Variants in SERINC2 observed in about 807,000 individuals in gnomAD.
SERINC2 encodes tumor differentially expressed protein 2.
In SERINC2, 56 loss-of-function variants were observed where a neutral mutation model predicts 54.2. The observed-to-expected ratio is 1.03, with a 90% CI of 0.83 to 1.29. The LOEUF (loss-of-function observed/expected upper bound fraction) is 1.29, where lower values mean the gene tolerates loss of function less well. Among genes scored for constraint, SERINC2 ranks in the 50% most tolerant of loss-of-function variants. The pLI is 0.00. For missense variants in SERINC2, 614 were observed against 607.4 expected (o/e 1.01, Z -0.12); for synonymous variants, 272 against 253.1 (o/e 1.07, Z -0.71).
intron 8 of SERINC2, among the ~76,000 whole-genome samples, chr1:31,432,232 G>GTGGATAGGGTGGTT (rs1557501873): frequency 2.6e-5 from 4 of 151,474 alleles, no homozygotes; most frequent in Non-Finnish European, 2.9e-5. Flanking sequence ...GGTGGATAGG[G>GTGGATAGGGTGGTT]ACCCACTGAC....
intron 1 of SERINC2, chr1:31,414,412 C>G: frequency 1.2e-6 from 1 of 843,920 alleles, no homozygotes. Flanking sequence ...TTCCTTTGTC[C>G]CTGACGGGTT....
At chr1:31,432,638 T>G (rs1194954475) in intron 8 of SERINC2, among the ~76,000 whole-genome samples, 4 of 152,184 alleles carry the variant, frequency 2.6e-5, no homozygotes, top group African/African-American at 9.7e-5. Context: ...TAGTGACTGT[T>G]GATTGAATTT....
At chr1:31,427,159 ATTG>A (rs1339578530) in intron 6 of SERINC2, among the ~76,000 whole-genome samples, 25 of 151,922 alleles carry the variant, frequency 1.6e-4, no homozygotes, top group Admixed American at 1.1e-3. Context: ...TGTAGTTATT[ATTG>A]TTGTCATTTT....
chr1:31,423,496 G>T (rs1640950029), intron 1 of SERINC2, among the ~76,000 whole-genome samples, 197 bp from the exon 2 acceptor site: 1 of 152,184 alleles, frequency 6.6e-6, no homozygotes, highest in African/African-American at 2.4e-5. Context: ...TTTGAATCTG[G>T]GTTCTGTGGT....
At chr1:31,411,407 T>C (rs1163329101), upstream of SERINC2, among the ~76,000 whole-genome samples, 5 of 152,176 alleles carry the variant, frequency 3.3e-5, no homozygotes, top group African/African-American at 1.2e-4. Flanking sequence ...TCACTACTTC[T>C]TTGTTTCTCG....
At chr1:31,423,876 G>A (rs971409832) in intron 2 of SERINC2, 22 bp downstream of exon 2, 1 of 1,609,086 alleles carries the variant, frequency 6.2e-7, no homozygotes, top group Non-Finnish European at 8.5e-7. Flanking sequence ...AGGGGAGGCA[G>A]GGCGGCCTCC....
chr1:31,413,229 G>T lies in SERINC2; in HGVS notation c.-37G>T, dbSNP rs1369787540. 101 of 1,120,614 alleles carry T rather than the reference G, an allele frequency of 9.0e-5. No homozygotes were observed. Among genetic ancestry groups the T allele is most frequent in the Non-Finnish European group, 1.1e-4 (100 of 920,228 alleles). The allele number at this position is 1,120,614 out of a possible 1,614,324, so 69.4% of individuals were successfully genotyped here. A position where few individuals can be genotyped will look rare whatever the true frequency, so the allele number is the denominator to read the frequency against. Reference sequence around the variant, plus strand: ...CCGGATCCCGAGGTCCGCGCCCCGCGCCCGGCGCCGGGCGCCCGAAGCCGG... The same window carrying T: ...CCGGATCCCGAGGTCCGCGCCCCGCTCCCGGCGCCGGGCGCCCGAAGCCGG... On this transcript the variant is annotated 5_prime_UTR_variant, in exon 1 of 10. Transcript: ENST00000373709. This position sits in a 1 kb window ranked among gnomAD's most constrained non-coding sequence, Gnocchi z 5.0.
intron 8 of SERINC2, among the ~76,000 whole-genome samples, chr1:31,431,435 A>G (rs1641195538): frequency 6.6e-6 from 1 of 151,314 alleles, no homozygotes. Context: ...GATTACCTTC[A>G]TTTTACAGAT....
chr1:31,434,343 GGCCTTCTAGTCGTAGT>G lies in SERINC2; in HGVS notation c.*151_*166del, dbSNP rs1553135399. The G allele has an allele frequency of 2.5e-5, 21 of 826,788 alleles. No individual in the cohort carries two copies. The highest frequency in any genetic ancestry group is 3.4e-5 in the Non-Finnish European group (18 of 528,808). 51.2% of individuals were successfully genotyped at this position (826,788 alleles called of 1,614,324 possible). ...AGCTCCAGGACCTGCCCCTGAGCCG[GGCCTTCTAGTCGTAGT>G]GCCTTCAGGGTCCGAGGAGCATCAG... On this transcript the variant is annotated 3_prime_UTR_variant, in exon 10 of 10. Transcript: ENST00000373709.
chr1:31,426,799 C>A lies in SERINC2; in HGVS notation c.756C>A (p.Ile252=), dbSNP rs782055941. The change falls in exon 6 of 10, where the codon ATC becomes ATA. Residue 252 remains isoleucine, a synonymous_variant. Transcript: ENST00000373709. Reference sequence around the variant, plus strand: ...TCACCTTCTGTGTCTGCGTGTCCATCGCTGCTGTCCTGCCCAAGGTCCAGG... The same window carrying A: ...TCACCTTCTGTGTCTGCGTGTCCATAGCTGCTGTCCTGCCCAAGGTCCAGG... ...LNLTFCVCVS[I]AAVLPKVQDA... is the part of the protein sequence containing the mutation. 1.2e-6 allele frequency: 2 copies of A among 1,613,890 alleles called. No individual in the cohort carries two copies. Among genetic ancestry groups the A allele is most frequent in the Admixed American group, 1.7e-5 (1 of 60,008 alleles).
upstream of SERINC2, chr1:31,410,173 C>T: frequency 2.1e-6 from 3 of 1,433,316 alleles, no homozygotes; most frequent in South Asian, 3.1e-5. Flanking sequence ...GGTGACTTGC[C>T]AGTATCACAT....
At chr1:31,415,956 G>A in intron 1 of SERINC2, 1 of 974,964 alleles carries the variant, frequency 1.0e-6, no homozygotes, top group Non-Finnish European at 1.2e-6. Flanking sequence ...CAGGGGATGG[G>A]GCCACCAGGC....
At chr1:31,427,855 G>C (rs1254642428) in intron 6 of SERINC2, among the ~76,000 whole-genome samples, 1 of 132,048 alleles carries the variant, frequency 7.6e-6, no homozygotes, top group Non-Finnish European at 1.5e-5. Context: ...TTGAGACAGG[G>C]TCTGGCTCTG....
intron 1 of SERINC2, among the ~76,000 whole-genome samples, chr1:31,415,252 G>C (rs1319949408): frequency 6.6e-6 from 1 of 152,214 alleles, no homozygotes; most frequent in South Asian, 2.1e-4. Flanking sequence ...GCACAGGGCT[G>C]GTCCAGGGAA....
At chr1:31,416,258 A>T (rs1640779861) in intron 1 of SERINC2, among the ~76,000 whole-genome samples, 1 of 152,184 alleles carries the variant, frequency 6.6e-6, no homozygotes, top group South Asian at 2.1e-4. Flanking sequence ...TAAACACCCC[A>T]CAGTAGTACA....
intron 8 of SERINC2, among the ~76,000 whole-genome samples, chr1:31,432,082 G>C (rs1557501039): frequency 1.3e-4 from 15 of 119,696 alleles, no homozygotes; most frequent in African/African-American, 1.8e-4. Context: ...GGACAGGGTG[G>C]TTAGGGTGGA....
At chr1:31,432,914 T>C (rs1553134953) in intron 8 of SERINC2, 53 bp from the exon 9 acceptor site, 44 of 1,422,032 alleles carry the variant, frequency 3.1e-5, no homozygotes, top group Non-Finnish European at 4.0e-5. Flanking sequence ...GTGTCCAGTG[T>C]TATGAGCAAC....
chr1:31,413,093 C>A, upstream of SERINC2: 1 of 987,810 alleles, frequency 1.0e-6, no homozygotes, highest in Non-Finnish European at 1.2e-6. The surrounding 1 kb of genome is among the most constrained non-coding windows in gnomAD (Gnocchi z 5.0). Context: ...GCGCACCTGC[C>A]CCAGGTGAGT....
Position 31,430,645 on chromosome 1 carries a change from T to A in SERINC2, c.1013+1107T>A, listed in dbSNP as rs1320638541. Among the ~76,000 whole-genome samples, 26 of 152,242 alleles carry A rather than the reference T, an allele frequency of 1.7e-4. 1 individual carries two copies. The highest frequency in any genetic ancestry group is 1.7e-3 in the Admixed American group (26 of 15,288). On this transcript the variant is annotated intron_variant, in intron 8 of 9. Transcript: ENST00000373709. ...CATATTATTGTGAACATTTGCATAATATTGTGAACATTTGTATATTAGTAT... is the reference window on the plus strand; with the variant it reads ...CATATTATTGTGAACATTTGCATAAAATTGTGAACATTTGTATATTAGTAT...
Sources: gnomAD v4.1 joint callset for allele counts (sites outside exome capture counted in the v4.1 genomes callset) on GRCh38, gnomAD v4.1.1 for gene constraint, Gnocchi (gnomAD v3.1) non-coding constraint, MANE v1.5 for transcripts, NCBI Gene and HGNC (gene_info 2026-07-23, HGNC 2026-07-21) for gene names.